Variants in SCAND3 observed in about 807,000 individuals in gnomAD.
SCAND3 encodes the protein SCAN domain-containing protein 3.
At chr6:28,579,809 G>A in the SCAND3 span, among the ~76,000 whole-genome samples, 1 of 151,254 alleles carries the variant, frequency 6.6e-6, no homozygotes, top group Non-Finnish European at 1.5e-5. This position sits in a 1 kb window ranked among gnomAD's most constrained non-coding sequence, Gnocchi z 4.5. Context: ...CACTTTGGGA[G>A]GTCGAGGCAG....
At chr6:28,604,698 T>C in the SCAND3 span, among the ~76,000 whole-genome samples, 2 of 152,188 alleles carry the variant, frequency 1.3e-5, no homozygotes, top group Admixed American at 6.5e-5. Flanking sequence ...CTCTTTTGCA[T>C]ACTTCATTTG....
At chr6:28,577,232 G>T in the SCAND3 span, among the ~76,000 whole-genome samples, 1 of 151,996 alleles carries the variant, frequency 6.6e-6, no homozygotes, top group Non-Finnish European at 1.5e-5. Context: ...TTCAAATTTG[G>T]CTAAGTGTTA....
the SCAND3 span, among the ~76,000 whole-genome samples, chr6:28,606,128 A>C: frequency 6.6e-6 from 1 of 152,222 alleles, no homozygotes. Context: ...AAAGTACTTA[A>C]GTAAAGGAAA....
At chr6:28,579,226 A>G in the SCAND3 span, 1 of 1,568,348 alleles carries the variant, frequency 6.4e-7, no homozygotes, top group Non-Finnish European at 8.7e-7. This position sits in a 1 kb window ranked among gnomAD's most constrained non-coding sequence, Gnocchi z 4.5. Context: ...TAGACCCTTC[A>G]TTCTCCCAAG....
At chr6:28,592,821 G>A in the SCAND3 span, among the ~76,000 whole-genome samples, 2 of 152,138 alleles carry the variant, frequency 1.3e-5, no homozygotes, top group Non-Finnish European at 2.9e-5. The surrounding 1 kb of genome is among the most constrained non-coding windows in gnomAD (Gnocchi z 4.1). Flanking sequence ...CAAAAGGACA[G>A]CTTCTTTAAT....
the SCAND3 span, chr6:28,597,667 A>G: frequency 2.8e-5 from 4 of 140,458 alleles, no homozygotes; most frequent in Admixed American, 7.1e-5. Flanking sequence ...AAATACGTAG[A>G]TCCTTGCTGA....
the SCAND3 span, among the ~76,000 whole-genome samples, chr6:28,611,922 G>A: frequency 2.6e-5 from 4 of 152,144 alleles, no homozygotes; most frequent in Non-Finnish European, 4.4e-5. Flanking sequence ...GCCTAGAATC[G>A]TTTCCCTTCT....
chr6:28,576,193 T>A, the SCAND3 span: 1 of 1,389,566 alleles, frequency 7.2e-7, no homozygotes, highest in South Asian at 1.5e-5. Flanking sequence ...TTAAAAGACA[T>A]ATATTGCCAA....
At chr6:28,613,709 A>G in the SCAND3 span, among the ~76,000 whole-genome samples, 21 of 152,308 alleles carry the variant, frequency 1.4e-4, no homozygotes, top group Middle Eastern at 3.4e-3. Flanking sequence ...ACTTTGTCAT[A>G]CACTGGCAAC....
chr6:28,598,369 T>TTTTTG, the SCAND3 span, among the ~76,000 whole-genome samples: 2 of 152,158 alleles, frequency 1.3e-5, no homozygotes, highest in African/African-American at 2.4e-5. Flanking sequence ...GGTGTTTTTG[T>TTTTTG]TTTTGTTTTG....
the SCAND3 span, among the ~76,000 whole-genome samples, chr6:28,599,716 T>A: frequency 6.6e-6 from 1 of 152,208 alleles, no homozygotes; most frequent in African/African-American, 2.4e-5. Context: ...ACCTCTTTCT[T>A]TTGTAAATTG....
the SCAND3 span, among the ~76,000 whole-genome samples, chr6:28,612,889 G>A: frequency 1.3e-5 from 2 of 152,100 alleles, no homozygotes; most frequent in African/African-American, 4.8e-5. Context: ...GTGTCACTTA[G>A]CTGATGTTAT....
At chr6:28,593,923 C>A in the SCAND3 span, among the ~76,000 whole-genome samples, 1 of 152,018 alleles carries the variant, frequency 6.6e-6, no homozygotes, top group Non-Finnish European at 1.5e-5. Context: ...CCAGGCTGCT[C>A]TCAAACACTT....
the SCAND3 span, among the ~76,000 whole-genome samples, chr6:28,584,642 T>A: frequency 5.9e-5 from 9 of 152,198 alleles, no homozygotes; most frequent in African/African-American, 2.2e-4. Flanking sequence ...TCTGGATCAA[T>A]GCATCCAAAT....
the SCAND3 span, chr6:28,571,531 T>C: frequency 0.044 from 8,492 of 191,002 alleles, 364 homozygotes; most frequent in African/African-American, 0.13. Context: ...ATTCACTTCC[T>C]TTCACTGACC....
the SCAND3 span, among the ~76,000 whole-genome samples, chr6:28,596,531 G>A: frequency 6.6e-6 from 1 of 151,748 alleles, no homozygotes; most frequent in Non-Finnish European, 1.5e-5. Context: ...ATTATGGATG[G>A]GTGCAAGATT....
the SCAND3 span, chr6:28,573,745 A>G: frequency 1.2e-6 from 2 of 1,601,728 alleles, no homozygotes; most frequent in Non-Finnish European, 1.7e-6. Flanking sequence ...TCTATTGTTA[A>G]CATTTCTTTT....
the SCAND3 span, chr6:28,594,163 A>G: frequency 1.3e-5 from 2 of 152,258 alleles, no homozygotes; most frequent in Admixed American, 1.3e-4. Flanking sequence ...TAGTACAACC[A>G]TTATGGAAAA....
the SCAND3 span, among the ~76,000 whole-genome samples, chr6:28,583,991 T>C: frequency 1.3e-5 from 2 of 152,190 alleles, no homozygotes; most frequent in Admixed American, 6.5e-5. Flanking sequence ...GCTCAAAGGC[T>C]TTGGAATCAT....
Sources: gnomAD v4.1 joint callset for allele counts (sites outside exome capture counted in the v4.1 genomes callset) on GRCh38, gnomAD v4.1.1 for gene constraint, Gnocchi (gnomAD v3.1) non-coding constraint, MANE v1.5 for transcripts, NCBI Gene and HGNC (gene_info 2026-07-23, HGNC 2026-07-21) for gene names.